INPP4B: variants seen among roughly 807,000 people sequenced by gnomAD.
INPP4B encodes the protein inositol polyphosphate-4-phosphatase type II B.
A neutral mutation model predicts 122.5 loss-of-function variants in INPP4B; 55 were observed. That is an observed-to-expected ratio of 0.45 (90% CI 0.36 to 0.56). The LOEUF (loss-of-function observed/expected upper bound fraction) is 0.56. Ranked by LOEUF, INPP4B falls within the 20% of genes least tolerant of loss-of-function variation. INPP4B has a pLI of 0.00. For synonymous variants in INPP4B, 403 were observed against 388.7 expected, an observed-to-expected ratio of 1.04 and a Z score of -0.43; for missense variants, 1,000 against 1,097.7, an observed-to-expected ratio of 0.91 and a Z score of 1.26.
At chr4:142,579,857 G>GGATAGATA (rs10541845) in intron 2 of INPP4B, among the ~76,000 whole-genome samples, 314 of 130,640 alleles carry the variant, frequency 2.4e-3, no homozygotes, top group African/African-American at 3.2e-3. Context: ...TTGGATGAAT[G>GGATAGATA]GATAGATAGA....
intron 11 of INPP4B, among the ~76,000 whole-genome samples, chr4:142,247,323 A>T (rs1729402507): frequency 6.6e-6 from 1 of 152,084 alleles, no homozygotes; most frequent in Non-Finnish European, 1.5e-5. Context: ...TGAGTTAGGG[A>T]GGAGTCCTCT....
intron 2 of INPP4B, among the ~76,000 whole-genome samples, chr4:142,589,545 C>G (rs964439802): frequency 1.3e-5 from 2 of 151,982 alleles, no homozygotes; most frequent in East Asian, 3.9e-4. Flanking sequence ...ATAAATTTTC[C>G]TCAAGAAATT....
chr4:142,344,692 G>A (rs1779760755), intron 7 of INPP4B, among the ~76,000 whole-genome samples: 1 of 151,912 alleles, frequency 6.6e-6, no homozygotes, highest in African/African-American at 2.4e-5. Context: ...AAATAGAGGA[G>A]AACACACACA....
intron 2 of INPP4B, among the ~76,000 whole-genome samples, chr4:142,610,182 T>C (rs1742171744): frequency 6.6e-6 from 1 of 152,126 alleles, no homozygotes; most frequent in Non-Finnish European, 1.5e-5. Flanking sequence ...AGTAAATAAG[T>C]CTCACGAGAT....
intron 2 of INPP4B, among the ~76,000 whole-genome samples, chr4:142,705,884 A>G (rs1349717208): frequency 2.6e-5 from 4 of 152,220 alleles, no homozygotes; most frequent in Non-Finnish European, 4.4e-5. Context: ...CTTGGTATCT[A>G]TTCTCCACAG....
intron 2 of INPP4B, among the ~76,000 whole-genome samples, chr4:142,592,065 A>G (rs998638364): frequency 2.6e-5 from 4 of 152,204 alleles, no homozygotes; most frequent in African/African-American, 7.2e-5. Flanking sequence ...CTTGCACAAA[A>G]TGTTAATAAT....
At chr4:142,840,654 G>T (rs1348074689) in intron 1 of INPP4B, among the ~76,000 whole-genome samples, 1 of 152,004 alleles carries the variant, frequency 6.6e-6, no homozygotes, top group East Asian at 1.9e-4. Context: ...ATGTTTAAAA[G>T]AAAAGTTTTA....
chr4:142,585,846 T>TTTAATA (rs151255778), intron 2 of INPP4B, among the ~76,000 whole-genome samples: 1 of 144,592 alleles, frequency 6.9e-6, no homozygotes, highest in Non-Finnish European at 1.5e-5. Flanking sequence ...CACTAAACAC[T>TTTAATA]TTATTATTAT....
At chr4:142,739,357 A>G (rs561965638) in intron 1 of INPP4B, among the ~76,000 whole-genome samples, 1 of 152,190 alleles carries the variant, frequency 6.6e-6, no homozygotes, top group African/African-American at 2.4e-5. Flanking sequence ...TTACTTGAGC[A>G]TATGGTATCA....
chr4:142,682,852 C>A (rs897245140), intron 2 of INPP4B, among the ~76,000 whole-genome samples: 9 of 151,736 alleles, frequency 5.9e-5, no homozygotes, highest in Non-Finnish European at 1.3e-4. Context: ...TATAAGATAT[C>A]CATTAGTAGG....
intron 10 of INPP4B, among the ~76,000 whole-genome samples, chr4:142,263,647 T>TAC: frequency 1.7e-5 from 1 of 60,138 alleles, no homozygotes; most frequent in Non-Finnish European, 3.0e-5. Flanking sequence ...AAAATATATA[T>TAC]ATATATATAT....
At chr4:142,274,471 C>G (rs906235830) in intron 9 of INPP4B, among the ~76,000 whole-genome samples, 189 of 151,392 alleles carry the variant, frequency 1.2e-3, no homozygotes, top group African/African-American at 4.5e-3. Flanking sequence ...CAGGTCAATT[C>G]TAGCTTCTCT....
chr4:142,477,433 T>A, intron 2 of INPP4B, among the ~76,000 whole-genome samples: 1 of 147,440 alleles, frequency 6.8e-6, no homozygotes, highest in African/African-American at 2.5e-5. Context: ...AGAGAAGAAA[T>A]AAGCAAAATT....
intron 18 of INPP4B, among the ~76,000 whole-genome samples, chr4:142,126,628 G>A (rs1383769146): frequency 6.6e-6 from 1 of 152,084 alleles, no homozygotes; most frequent in African/African-American, 2.4e-5. Flanking sequence ...GAATGCAACA[G>A]AGCCCTATTA....
intron 1 of INPP4B, among the ~76,000 whole-genome samples, chr4:142,826,032 ATTTG>A (rs1278006209): frequency 2.6e-5 from 4 of 151,984 alleles, no homozygotes; most frequent in Admixed American, 6.6e-5. Flanking sequence ...CTGATTTTTA[ATTTG>A]TTTGTGTTGT....
chr4:142,128,248 G>A (rs1799532346), intron 18 of INPP4B, among the ~76,000 whole-genome samples: 1 of 151,602 alleles, frequency 6.6e-6, no homozygotes, highest in African/African-American at 2.4e-5. Context: ...ATATATACGT[G>A]TGTGCACACA....
At chr4:142,690,738 T>C (rs372819925) in intron 2 of INPP4B, among the ~76,000 whole-genome samples, 1 of 152,140 alleles carries the variant, frequency 6.6e-6, no homozygotes, top group African/African-American at 2.4e-5. Flanking sequence ...ACTTTTTAAA[T>C]GACTCCCAAT....
intron 2 of INPP4B, among the ~76,000 whole-genome samples, chr4:142,715,214 A>G (rs1266393694): frequency 3.9e-5 from 6 of 152,220 alleles, no homozygotes; most frequent in African/African-American, 7.2e-5. Context: ...GTGATTTGCA[A>G]ATTGGAGCAG....
intron 2 of INPP4B, among the ~76,000 whole-genome samples, chr4:142,535,958 T>C (rs898789203): frequency 1.3e-5 from 2 of 152,210 alleles, no homozygotes; most frequent in African/African-American, 2.4e-5. Context: ...TCATGCATTA[T>C]ATCCCCAGCC....
Sources: gnomAD v4.1 joint callset for allele counts (sites outside exome capture counted in the v4.1 genomes callset) on GRCh38, gnomAD v4.1.1 for gene constraint, MANE v1.5 for transcripts, NCBI Gene and HGNC (gene_info 2026-07-23, HGNC 2026-07-21) for gene names.